NRBF2: variants seen among roughly 807,000 people sequenced by gnomAD.
The protein encoded by NRBF2 is nuclear receptor-binding factor 2.
In NRBF2, 12 loss-of-function variants were observed where a neutral mutation model predicts 28.5. That is an observed-to-expected ratio of 0.42 (90% CI 0.27 to 0.68). The LOEUF (loss-of-function observed/expected upper bound fraction) is 0.68. Ranked by LOEUF, NRBF2 falls within the 30% of genes least tolerant of loss-of-function variation. NRBF2 has a pLI of 0.24. For missense variants in NRBF2, 274 were observed against 333.5 expected, an observed-to-expected ratio of 0.82 and a Z score of 1.39; for synonymous variants, 102 against 116.5, an observed-to-expected ratio of 0.88 and a Z score of 0.80.
chr10:63,133,576 G>A, intron 1 of NRBF2, 76 bp downstream of exon 1: 1 of 1,142,512 alleles, frequency 8.8e-7, no homozygotes, highest in Non-Finnish European at 1.3e-6. Context: ...CCGGCGCGTC[G>A]GCTAACCCTT....
chr10:63,138,912 T>C (rs1050495549), intron 1 of NRBF2, among the ~76,000 whole-genome samples: 22 of 152,136 alleles, frequency 1.4e-4, no homozygotes, highest in Admixed American at 6.5e-5. Flanking sequence ...GTGAGTGAGG[T>C]TTCTCTTTCA....
intron 1 of NRBF2, among the ~76,000 whole-genome samples, chr10:63,141,007 G>A (rs905748010): frequency 6.6e-6 from 1 of 152,188 alleles, no homozygotes; most frequent in Non-Finnish European, 1.5e-5. Flanking sequence ...CCTCAGCCTA[G>A]TGCTTTTAAT....
intron 2 of NRBF2, among the ~76,000 whole-genome samples, chr10:63,150,555 G>A (rs1841632313): frequency 6.6e-6 from 1 of 152,076 alleles, no homozygotes; most frequent in African/African-American, 2.4e-5. Context: ...CTTTTTCTTG[G>A]AAAGGGAGCA....
intron 1 of NRBF2, among the ~76,000 whole-genome samples, chr10:63,138,399 G>T (rs767230512): frequency 3.3e-5 from 5 of 151,862 alleles, no homozygotes; most frequent in Admixed American, 1.3e-4. Flanking sequence ...CAGGAGAATC[G>T]CTTGAACCTG....
intron 1 of NRBF2, among the ~76,000 whole-genome samples, chr10:63,138,086 T>G (rs1841401792): frequency 6.6e-6 from 1 of 151,882 alleles, no homozygotes; most frequent in Non-Finnish European, 1.5e-5. Context: ...TCCCAGCACT[T>G]TGGGAGACTG....
intron 1 of NRBF2, among the ~76,000 whole-genome samples, chr10:63,141,378 G>GT (rs1841463564): frequency 1.3e-5 from 2 of 152,228 alleles, no homozygotes. Flanking sequence ...TGAGGCTGCA[G>GT]TGAGCTATGA....
At chr10:63,139,155 G>A (rs1450721213) in intron 1 of NRBF2, among the ~76,000 whole-genome samples, 4 of 152,222 alleles carry the variant, frequency 2.6e-5, no homozygotes, top group Admixed American at 6.5e-5. Flanking sequence ...GACCACAGGC[G>A]CGTGCCATCA....
At position 63,133,373 on chromosome 10, in the gene NRBF2, C is replaced by T. The variant is rs573469226; in HGVS notation, c.-98C>T. The T allele has an allele frequency of 7.1e-6, 10 of 1,413,314 alleles. No individual in the cohort carries two copies. The highest frequency in any genetic ancestry group is 4.3e-5 in the African/African-American group (3 of 69,952). The allele number at this position is 1,413,314 out of a possible 1,614,324, so 87.5% of individuals were successfully genotyped here. The stretch of plus-strand genomic sequence containing the variant: ...TGGCTCTTGGGGCGCAGAGAGGGGC[C>T]GCAGTCTCCGCGGCTGCGTCGAGCT... On this transcript the variant is annotated 5_prime_UTR_variant, in exon 1 of 4. Coordinates refer to ENST00000277746, the MANE Select transcript of NRBF2 (RefSeq NM_030759.5).
At chr10:63,144,393 T>C (rs1005066285) in intron 1 of NRBF2, among the ~76,000 whole-genome samples, 1 of 151,346 alleles carries the variant, frequency 6.6e-6, no homozygotes, top group Non-Finnish European at 1.5e-5. Flanking sequence ...ATCCATGTTG[T>C]AGTATGTGTC....
At position 63,153,732 on chromosome 10, in the gene NRBF2, C is replaced by G; in HGVS notation, c.378C>G (p.Cys126Trp). ...AGTACAGCCCTTCCACAGAGAAATG[C>G]CTGCCTGAGATTCAGGGGATCTTTG... ...SQKYSPSTEK[C>W]LPEIQGIFDR... Residue 126 changes from cysteine (C) to tryptophan (W), a missense_variant, in exon 4 of 4, where the codon TGC becomes TGG. By Grantham distance (215) the Cys-to-Trp change is radical. Coordinates refer to ENST00000277746, the MANE Select transcript of NRBF2 (RefSeq NM_030759.5). The G allele has an allele frequency of 1.2e-6, 2 of 1,612,412 alleles. No individual in the cohort carries two copies. Among genetic ancestry groups the G allele is most frequent in the Middle Eastern group, 1.9e-4 (1 of 5,146 alleles).
intron 1 of NRBF2, among the ~76,000 whole-genome samples, chr10:63,142,220 A>G (rs1290676868): frequency 6.6e-6 from 1 of 152,196 alleles, no homozygotes; most frequent in Non-Finnish European, 1.5e-5. Flanking sequence ...GAGTGTATCC[A>G]TAAGCCAGCA....
rs184801001 is a variant in NRBF2, at chr10:63,147,379, G to A, written c.115+1086G>A. 1.6e-3 allele frequency among the ~76,000 whole-genome samples: 237 copies of A among 151,762 alleles called. 1 individual carries two copies. In the Middle Eastern group the frequency reaches 0.017, roughly 11 times the overall value. On this transcript the variant is annotated intron_variant, in intron 2 of 3. Transcript: ENST00000277746. Reference sequence around the variant, plus strand: ...CTGTCGCCCAGGCTGGAGTGCAGTGGCACCGTCTCAGCTCACTGCAACTTC... The same window carrying A: ...CTGTCGCCCAGGCTGGAGTGCAGTGACACCGTCTCAGCTCACTGCAACTTC...
At chr10:63,143,696 C>G (rs773280397) in intron 1 of NRBF2, among the ~76,000 whole-genome samples, 2 of 151,986 alleles carry the variant, frequency 1.3e-5, no homozygotes, top group Non-Finnish European at 1.5e-5. Context: ...AGATGATCCA[C>G]CCGCCTTGGC....
chr10:63,138,272 C>G (rs1027582697), intron 1 of NRBF2, among the ~76,000 whole-genome samples: 1 of 151,734 alleles, frequency 6.6e-6, no homozygotes, highest in East Asian at 1.9e-4. Flanking sequence ...AAGGTCACGC[C>G]CTTGCACTCC....
chr10:63,140,623 A>G (rs1001557672), intron 1 of NRBF2, among the ~76,000 whole-genome samples: 6 of 151,680 alleles, frequency 4.0e-5, no homozygotes, highest in Admixed American at 2.0e-4. Context: ...TATGTTGCCT[A>G]TGCTGGTCTC....
At chr10:63,150,705 GTAA>G (rs1035241062) in intron 2 of NRBF2, among the ~76,000 whole-genome samples, 11 of 152,176 alleles carry the variant, frequency 7.2e-5, no homozygotes, top group African/African-American at 2.7e-4. Context: ...ATTTTACAAT[GTAA>G]TAATAGAAAT....
Position 63,133,418 on chromosome 10 carries a change from G to T in NRBF2, c.-53G>T. 6.2e-7 allele frequency: 1 copy of T among 1,608,040 alleles called. No individual in the cohort carries two copies. The highest frequency in any genetic ancestry group is 8.5e-7 in the Non-Finnish European group (1 of 1,177,140). On this transcript the variant is annotated 5_prime_UTR_variant, in exon 1 of 4. An upstream start codon of the reference 5' UTR is lost. Transcript: ENST00000277746. ...CGAGCTCCCTTGCAGTCCCCTCCAT[G>T]TTCCCCGGCGCCACTACTCCCCTTC...
chr10:63,149,364 C>T (rs1434304566), intron 2 of NRBF2, among the ~76,000 whole-genome samples: 4 of 152,148 alleles, frequency 2.6e-5, no homozygotes, highest in Admixed American at 1.3e-4. Flanking sequence ...CCACTGTGCC[C>T]GGCCCAATGT....
rs142612342 is a variant in NRBF2, at chr10:63,142,594, A to G, written c.31-3615A>G. Reference sequence around the variant, plus strand: ...CATGTTCATTAGAGAAATTAGGTTAATCATAACTGCTTGTGCATACTAGCT... The same window carrying G: ...CATGTTCATTAGAGAAATTAGGTTAGTCATAACTGCTTGTGCATACTAGCT... On this transcript the variant is annotated intron_variant, in intron 1 of 3. Coordinates refer to ENST00000277746, the MANE Select transcript of NRBF2 (RefSeq NM_030759.5). Among the ~76,000 whole-genome samples, 4 of 152,182 alleles carry G rather than the reference A, an allele frequency of 2.6e-5. No individual in the cohort carries two copies. In the East Asian group the frequency reaches 7.7e-4, roughly 29 times the overall value.
Sources: gnomAD v4.1 joint callset for allele counts (sites outside exome capture counted in the v4.1 genomes callset) on GRCh38, gnomAD v4.1.1 for gene constraint, MANE v1.5 for transcripts, NCBI Gene and HGNC (gene_info 2026-07-23, HGNC 2026-07-21) for gene names.